The following HOMER1 variants were observed in gnomAD, a reference collection of about 807,000 sequenced individuals.
HOMER1 encodes the protein homer protein homolog 1.
HOMER1 carries 3 observed loss-of-function variants against 48.9 expected under a neutral mutation model. The observed-to-expected ratio is 0.06, with a 90% CI of 0.03 to 0.16. The LOEUF (loss-of-function observed/expected upper bound fraction) is 0.16, where lower values mean the gene tolerates loss of function less well. HOMER1 is among the 10% of genes least tolerant of loss of function. The pLI, the probability that HOMER1 is intolerant of heterozygous loss-of-function variation, is 1.00. For missense variants in HOMER1, 247 were observed against 411.4 expected (o/e 0.60, Z 3.46); for synonymous variants, 134 against 146.4 (o/e 0.92, Z 0.61).
At chr5:79,460,410 A>G (rs1328385465) in intron 1 of HOMER1, among the ~76,000 whole-genome samples, 1 of 152,206 alleles carries the variant, frequency 6.6e-6, no homozygotes, top group African/African-American at 2.4e-5. Flanking sequence ...TTTGGGTGAC[A>G]GAGCCAGACC....
At chr5:79,440,818 C>T (rs1477830203) in intron 4 of HOMER1, among the ~76,000 whole-genome samples, 3 of 152,152 alleles carry the variant, frequency 2.0e-5, no homozygotes, top group Non-Finnish European at 4.4e-5. Flanking sequence ...GAATGTGCAA[C>T]CTGCTAAACA....
intron 1 of HOMER1, among the ~76,000 whole-genome samples, chr5:79,465,581 C>CTTT (rs1195158421): frequency 4.4e-5 from 4 of 90,406 alleles, no homozygotes; most frequent in South Asian, 4.1e-4. Context: ...GTTTACATTT[C>CTTT]TTCTTTTTTT....
chr5:79,378,214 C>A (rs557896884), intron 8 of HOMER1, among the ~76,000 whole-genome samples: 21 of 86,732 alleles, frequency 2.4e-4, no homozygotes, highest in African/African-American at 1.1e-3. Context: ...CAGAGTAAGA[C>A]TCTGTCTCAA....
intron 5 of HOMER1, among the ~76,000 whole-genome samples, chr5:79,408,954 C>A (rs531287949): frequency 6.6e-6 from 1 of 151,040 alleles, no homozygotes; most frequent in East Asian, 2.0e-4. Flanking sequence ...TGGTGGTGGG[C>A]GCCTGTAATC....
intron 5 of HOMER1, among the ~76,000 whole-genome samples, chr5:79,427,970 T>C (rs1468206963): frequency 6.6e-6 from 1 of 152,160 alleles, no homozygotes; most frequent in Non-Finnish European, 1.5e-5. Flanking sequence ...CTACCTCACC[T>C]ATTTTGGAGA....
intron 1 of HOMER1, among the ~76,000 whole-genome samples, chr5:79,487,782 TAA>T (rs1255235893): frequency 6.6e-6 from 1 of 152,212 alleles, no homozygotes; most frequent in Non-Finnish European, 1.5e-5. Flanking sequence ...AAGGAATTAT[TAA>T]GTGATTTTTC....
At chr5:79,418,724 T>C (rs141112967) in intron 5 of HOMER1, among the ~76,000 whole-genome samples, 409 of 152,354 alleles carry the variant, frequency 2.7e-3, no homozygotes, top group African/African-American at 9.1e-3. Context: ...ATGGGTACTT[T>C]GTCTTCCATA....
intron 6 of HOMER1, among the ~76,000 whole-genome samples, chr5:79,398,112 G>A (rs896691852): frequency 2.6e-5 from 4 of 152,072 alleles, no homozygotes; most frequent in Admixed American, 2.6e-4. Context: ...ATTAGATACT[G>A]GAATGACTTT....
In HOMER1 at chr5:79,446,514, A is replaced by C. The variant is rs370527609; in HGVS notation, c.387+539T>G. ...GATCTTTATGTACTTTTGCTAAGTT[A>C]CAAGCACATTAAATAATTTGAATTG... On this transcript the variant is annotated intron_variant, in intron 4 of 8. Transcript: ENST00000334082. Among the ~76,000 whole-genome samples the C allele has an allele frequency of 2.6e-5, 4 of 152,356 alleles. No individual in the cohort carries two copies. The East Asian group carries it at 7.7e-4, about 29-fold the overall frequency.
rs182269860 is a variant in HOMER1 at position 79,412,765 on chromosome 5, A to G, written c.528-10710T>C. On this transcript the variant is annotated intron_variant, in intron 5 of 8. Coordinates refer to ENST00000334082, the MANE Select transcript of HOMER1 (RefSeq NM_004272.5). ...AATTCAAAATTAGTTGACACAAAGA[A>G]TGAGGAAAATCTGAAGTTGTATAGA... Among the ~76,000 whole-genome samples, 20 of 152,388 alleles carry G rather than the reference A, an allele frequency of 1.3e-4. No individual in the cohort carries two copies. The East Asian group carries it at 3.7e-3, about 28-fold the overall frequency.
At chr5:79,467,391 CAAAAAAAA>C (rs71767032) in intron 1 of HOMER1, among the ~76,000 whole-genome samples, 1 of 51,636 alleles carries the variant, frequency 1.9e-5, no homozygotes, top group African/African-American at 7.2e-5. Context: ...AACTCCATCT[CAAAAAAAA>C]AAAAAAAAAA....
intron 1 of HOMER1, among the ~76,000 whole-genome samples, chr5:79,486,617 A>T (rs1407536013): frequency 1.3e-5 from 2 of 152,186 alleles, no homozygotes; most frequent in Non-Finnish European, 2.9e-5. Flanking sequence ...GAAAAAATGG[A>T]GGGACAGAGC....
At chr5:79,463,404 C>T (rs1039028985) in intron 1 of HOMER1, among the ~76,000 whole-genome samples, 1 of 152,090 alleles carries the variant, frequency 6.6e-6, no homozygotes. Context: ...CTAAAGAAAC[C>T]CTTAGTGCTG....
At chr5:79,416,932 G>T (rs938924134) in intron 5 of HOMER1, among the ~76,000 whole-genome samples, 1 of 152,114 alleles carries the variant, frequency 6.6e-6, no homozygotes, top group African/African-American at 2.4e-5. Flanking sequence ...ATACTTTAAC[G>T]TAAATCATAG....
intron 5 of HOMER1, among the ~76,000 whole-genome samples, chr5:79,427,636 T>C (rs139544183): frequency 5.3e-5 from 8 of 151,792 alleles, no homozygotes; most frequent in African/African-American, 1.9e-4. Context: ...CTTTCCTTCC[T>C]TCCTTTCCTT....
chr5:79,467,412 A>C (rs1212827411), intron 1 of HOMER1, among the ~76,000 whole-genome samples: 9 of 151,110 alleles, frequency 6.0e-5, no homozygotes, highest in Non-Finnish European at 1.5e-5. Context: ...AAAAAAAAAA[A>C]ACTAATGAAA....
intron 5 of HOMER1, among the ~76,000 whole-genome samples, chr5:79,436,680 A>G (rs1750592578): frequency 6.6e-6 from 1 of 152,198 alleles, no homozygotes; most frequent in African/African-American, 2.4e-5. Context: ...TTAAATTGAT[A>G]TCAAACTACC....
At chr5:79,389,265 C>T (rs1175763660) in intron 8 of HOMER1, among the ~76,000 whole-genome samples, 1 of 151,344 alleles carries the variant, frequency 6.6e-6, no homozygotes, top group African/African-American at 2.4e-5. Context: ...ATACTGAATA[C>T]ATGAGAAAAA....
Position 79,377,033 on chromosome 5 carries a change from T to C in HOMER1, c.877-836A>G, listed in dbSNP as rs140401061. 2.0e-3 allele frequency among the ~76,000 whole-genome samples: 309 copies of C among 152,288 alleles called. 1 individual carries two copies. Among genetic ancestry groups the C allele is most frequent in the African/African-American group, 7.1e-3 (297 of 41,564 alleles). On this transcript the variant is annotated intron_variant, in intron 8 of 8. Coordinates refer to ENST00000334082, the MANE Select transcript of HOMER1 (RefSeq NM_004272.5). ...CAGGATGGAGTGCAATGGTGCAATC[T>C]TGGCTCACTGCAACCTCCGCCTCCC...
Sources: allele counts gnomAD v4.1 joint callset (sites outside exome capture counted in the v4.1 genomes callset), GRCh38; gene constraint gnomAD v4.1.1; transcripts MANE v1.5; gene names NCBI Gene and HGNC (gene_info 2026-07-23, HGNC 2026-07-21).